The following KIRREL3 variants were observed in gnomAD, a reference collection of about 807,000 sequenced individuals.
The protein encoded by KIRREL3 is kin of IRRE-like protein 3.
A neutral mutation model predicts 89.7 loss-of-function variants in KIRREL3; 36 were observed. The ratio of observed to expected loss-of-function variants is 0.40; its 90% confidence interval spans 0.31 to 0.53. The LOEUF (loss-of-function observed/expected upper bound fraction) is 0.53, where lower values mean the gene tolerates loss of function less well. Ranked by LOEUF, KIRREL3 falls within the 20% of genes least tolerant of loss-of-function variation. The pLI, the probability that KIRREL3 is intolerant of heterozygous loss-of-function variation, is 0.49. For synonymous variants in KIRREL3, 445 were observed against 441.4 expected, an observed-to-expected ratio of 1.01 and a Z score of -0.10; for missense variants, 864 against 1,056.6, an observed-to-expected ratio of 0.82 and a Z score of 2.53.
rs1171508061 is a variant in KIRREL3 at position 126,719,806 on chromosome 11, C to T, written c.56-156894G>A. Among the ~76,000 whole-genome samples the T allele has an allele frequency of 6.6e-6, 1 of 152,226 alleles. No individual in the cohort carries two copies. The highest frequency in any genetic ancestry group is 2.4e-5 in the African/African-American group (1 of 41,458). On this transcript the variant is annotated intron_variant, in intron 1 of 16. Transcript: ENST00000525144. The surrounding 1 kb of genome is among the most constrained non-coding windows in gnomAD (Gnocchi z 4.7). ...CCCACCCTGGTCCAAGACAGCATCA[C>T]CTTGCATCTGTTGAGGCTCCTGAGA...
intron 1 of KIRREL3, among the ~76,000 whole-genome samples, chr11:126,947,673 T>C (rs1204728337): frequency 1.3e-5 from 2 of 152,134 alleles, no homozygotes; most frequent in Admixed American, 6.6e-5. Context: ...CAGCAAACAA[T>C]AGAGAGATGG....
intron 4 of KIRREL3, among the ~76,000 whole-genome samples, chr11:126,503,938 A>C (rs531807036): frequency 6.6e-6 from 1 of 152,230 alleles, no homozygotes; most frequent in African/African-American, 2.4e-5. Flanking sequence ...AGTCTGGAGA[A>C]ATAAATGCTT....
intron 1 of KIRREL3, among the ~76,000 whole-genome samples, chr11:126,833,405 A>AC (rs766791613): frequency 7.2e-5 from 11 of 152,178 alleles, no homozygotes; most frequent in Non-Finnish European, 1.6e-4. Context: ...GCCAGATGCA[A>AC]CCCTGTTGAC....
chr11:126,511,136 C>A (rs918506953), intron 4 of KIRREL3, among the ~76,000 whole-genome samples: 1 of 151,658 alleles, frequency 6.6e-6, no homozygotes. Context: ...AGGGATGTCA[C>A]CAGGTATGCC....
At chr11:126,437,779 A>G (rs1485117193) in intron 11 of KIRREL3, among the ~76,000 whole-genome samples, 1 of 152,120 alleles carries the variant, frequency 6.6e-6, no homozygotes, top group Non-Finnish European at 1.5e-5. Context: ...ACAACACACA[A>G]TACAAGCATG....
In KIRREL3 at chr11:126,947,796, G is replaced by A. The variant is rs1224737030; in HGVS notation, c.55+52659C>T. On this transcript the variant is annotated intron_variant, in intron 1 of 16. Transcript: ENST00000525144. Reference sequence around the variant, plus strand: ...TCATAATGCACAGCATCACCTTAGGGAGTTCTCCAAAACAATGGCTGGCTG... The same window carrying A: ...TCATAATGCACAGCATCACCTTAGGAAGTTCTCCAAAACAATGGCTGGCTG... Among the ~76,000 whole-genome samples, 4 of 152,186 alleles carry A rather than the reference G, an allele frequency of 2.6e-5. No individual in the cohort carries two copies. The East Asian group carries it at 7.7e-4, about 29-fold the overall frequency.
intron 1 of KIRREL3, among the ~76,000 whole-genome samples, chr11:126,680,997 A>G (rs1946429857): frequency 6.6e-6 from 1 of 152,196 alleles, no homozygotes; most frequent in Admixed American, 6.5e-5. Flanking sequence ...AAATAATTTA[A>G]AGGGTAGTAA....
chr11:126,447,691 A>G (rs1471782355), intron 8 of KIRREL3, among the ~76,000 whole-genome samples: 2 of 152,154 alleles, frequency 1.3e-5, no homozygotes, highest in Non-Finnish European at 2.9e-5. Context: ...TGGGGATTCC[A>G]GGCTCAGGGT....
At chr11:126,803,580 A>G (rs910031069) in intron 1 of KIRREL3, among the ~76,000 whole-genome samples, 2 of 152,192 alleles carry the variant, frequency 1.3e-5, no homozygotes, top group African/African-American at 2.4e-5. Context: ...AAATTATAGT[A>G]TTTGGCTACT....
At chr11:126,882,773 T>C (rs1196752274) in intron 1 of KIRREL3, among the ~76,000 whole-genome samples, 2 of 152,220 alleles carry the variant, frequency 1.3e-5, no homozygotes, top group Non-Finnish European at 2.9e-5. Flanking sequence ...ATCCCATGCT[T>C]GGACTGACTA....
At position 126,572,726 on chromosome 11, in the gene KIRREL3, G is replaced by A. The variant is rs541830645; in HGVS notation, c.56-9814C>T. Among the ~76,000 whole-genome samples, 29 of 152,288 alleles carry A rather than the reference G, an allele frequency of 1.9e-4. No individual in the cohort carries two copies. The South Asian group carries it at 2.5e-3, about 13-fold the overall frequency. On this transcript the variant is annotated intron_variant, in intron 1 of 16. Coordinates refer to ENST00000525144, the MANE Select transcript of KIRREL3 (RefSeq NM_032531.4). ...GGGAGGTGGGGTGAGGTGGGGAAGCGTGGAGAATGCCTGCCTACTCAGGGT... is the reference window on the plus strand; with the variant it reads ...GGGAGGTGGGGTGAGGTGGGGAAGCATGGAGAATGCCTGCCTACTCAGGGT...
intron 1 of KIRREL3, among the ~76,000 whole-genome samples, chr11:126,681,435 G>A (rs531056910): frequency 9.2e-5 from 14 of 152,332 alleles, no homozygotes; most frequent in African/African-American, 3.4e-4. Flanking sequence ...GTGGGCTGAT[G>A]AAATATATGT....
At chr11:126,549,147 G>A (rs762532662) in intron 2 of KIRREL3, 6 of 152,120 alleles carry the variant, frequency 3.9e-5, no homozygotes, top group Admixed American at 6.5e-5. Flanking sequence ...TCCCACACTC[G>A]GTACACAGTT....
intron 1 of KIRREL3, among the ~76,000 whole-genome samples, chr11:126,727,664 C>T (rs1355383818): frequency 2.0e-5 from 3 of 152,228 alleles, no homozygotes; most frequent in Non-Finnish European, 4.4e-5. Context: ...TTCTTCTAAT[C>T]TCTCTGCCTG....
At position 126,575,697 on chromosome 11, in the gene KIRREL3, ACAGCTTTGTT is replaced by A. The variant is rs368878548; in HGVS notation, c.56-12795_56-12786del. Among the ~76,000 whole-genome samples the A allele has an allele frequency of 1.9e-3, 293 of 152,246 alleles. 2 individuals carry two copies. The highest frequency in any genetic ancestry group is 6.7e-3 in the African/African-American group (280 of 41,544). ...GTTAATACCCACAGCAGCTCAAGGAACAGCTTTGTTCAGCTCTCAGAGGAAGGGGCTGCCT... is the reference window on the plus strand; with the variant it reads ...GTTAATACCCACAGCAGCTCAAGGAACAGCTCTCAGAGGAAGGGGCTGCCT... On this transcript the variant is annotated intron_variant, in intron 1 of 16. Coordinates refer to ENST00000525144, the MANE Select transcript of KIRREL3 (RefSeq NM_032531.4). This position sits in a 1 kb window ranked among gnomAD's most constrained non-coding sequence, Gnocchi z 7.0.
chr11:126,747,454 T>C lies in KIRREL3; in HGVS notation c.56-184542A>G, dbSNP rs770134938. Among the ~76,000 whole-genome samples, 1 of 152,176 alleles carries C rather than the reference T, an allele frequency of 6.6e-6. No individual in the cohort carries two copies. The highest frequency in any genetic ancestry group is 2.4e-5 in the African/African-American group (1 of 41,456). ...CATTTACCATTCTCTGATTAAGTCA[T>C]GCAACCTCATCGCCACTACCTGGGA... On this transcript the variant is annotated intron_variant, in intron 1 of 16. Transcript: ENST00000525144. The surrounding 1 kb of genome is among the most constrained non-coding windows in gnomAD (Gnocchi z 4.7).
intron 1 of KIRREL3, among the ~76,000 whole-genome samples, chr11:126,759,945 A>G (rs138687563): frequency 1.2e-3 from 190 of 152,214 alleles, no homozygotes; most frequent in African/African-American, 4.4e-3. Context: ...TAGGCTTCCT[A>G]TATTAACACA....
intron 1 of KIRREL3, among the ~76,000 whole-genome samples, chr11:126,878,605 T>C (rs1348361482): frequency 6.6e-6 from 1 of 151,018 alleles, no homozygotes; most frequent in Non-Finnish European, 1.5e-5. Flanking sequence ...AAGAAAAAAA[T>C]GCAACACAAC....
In KIRREL3 at chr11:126,463,868, G is replaced by A. The variant is rs1489625897; in HGVS notation, c.592-561C>T. On this transcript the variant is annotated intron_variant, in intron 5 of 16. Coordinates refer to ENST00000525144, the MANE Select transcript of KIRREL3 (RefSeq NM_032531.4). This position sits in a 1 kb window ranked among gnomAD's most constrained non-coding sequence, Gnocchi z 5.9. ...ATAAATCCTTTCAACTTTCCAAAGCGTTTCACTCCCTGATCTCATTAGAGT... is the reference window on the plus strand; with the variant it reads ...ATAAATCCTTTCAACTTTCCAAAGCATTTCACTCCCTGATCTCATTAGAGT... Among the ~76,000 whole-genome samples, 1 of 152,112 alleles carries A rather than the reference G, an allele frequency of 6.6e-6. No homozygotes were observed. Among genetic ancestry groups the A allele is most frequent in the Non-Finnish European group, 1.5e-5 (1 of 68,020 alleles).
Sources: allele counts gnomAD v4.1 joint callset (sites outside exome capture counted in the v4.1 genomes callset), GRCh38; gene constraint gnomAD v4.1.1; non-coding constraint Gnocchi (gnomAD v3.1); transcripts MANE v1.5; gene names NCBI Gene and HGNC (gene_info 2026-07-23, HGNC 2026-07-21).